BICDL1: variants seen among roughly 807,000 people sequenced by gnomAD.
BICDL1 encodes the protein BICD family like cargo adaptor 1.
BICDL1 carries 20 observed loss-of-function variants against 76.8 expected under a neutral mutation model. The ratio of observed to expected loss-of-function variants is 0.26; its 90% CI spans 0.18 to 0.38. BICDL1 has a LOEUF of 0.38. Among genes scored for constraint, BICDL1 ranks in the 10% least tolerant of loss-of-function variants. The pLI, the probability that BICDL1 is intolerant of heterozygous loss-of-function variation, is 1.00. For missense variants in BICDL1, 700 were observed against 798.6 expected, an observed-to-expected ratio of 0.88 and a Z score of 1.49; for synonymous variants, 383 against 337.1, an observed-to-expected ratio of 1.14 and a Z score of -1.49.
intron 3 of BICDL1, among the ~76,000 whole-genome samples, chr12:120,063,563 TC>T (rs1352864442): frequency 1.3e-5 from 2 of 152,068 alleles, no homozygotes; most frequent in Admixed American, 1.3e-4. Flanking sequence ...TTTCAGGATT[TC>T]CCCTGGAAAA....
At chr12:120,045,917 T>TAATAATAATAATAATA (rs1555288138) in intron 2 of BICDL1, among the ~76,000 whole-genome samples, 157 of 137,692 alleles carry the variant, frequency 1.1e-3, no homozygotes, top group African/African-American at 4.2e-3. Context: ...CTTAAAGTAT[T>TAATAATAATAATAATA]ATAATAATAA....
chr12:120,086,985 G>A (rs1211053063), intron 8 of BICDL1, among the ~76,000 whole-genome samples: 1 of 152,206 alleles, frequency 6.6e-6, no homozygotes, highest in Non-Finnish European at 1.5e-5. Flanking sequence ...GCTGCGCCGC[G>A]GCTGTAGCCC....
chr12:120,030,744 A>G (rs1426975962), intron 2 of BICDL1, among the ~76,000 whole-genome samples: 2 of 152,322 alleles, frequency 1.3e-5, no homozygotes, highest in African/African-American at 4.8e-5. Flanking sequence ...ATAGAAATAT[A>G]TACATCTCAT....
Position 120,071,820 on chromosome 12 carries a change from C to T in BICDL1, c.1089+19C>T, listed in dbSNP as rs1325883794. On this transcript the variant is annotated intron_variant, in intron 5 of 9. Coordinates refer to ENST00000548673, the MANE Select transcript of BICDL1 (RefSeq NM_001367886.1). This position sits in a 1 kb window ranked among gnomAD's most constrained non-coding sequence, Gnocchi z 4.8. ...AGAGCAGGTGCTGACCTGCCTGTCA[C>T]CCCACAGGCGAGGCTACCTGGGGTT... The T allele has an allele frequency of 1.9e-6, 3 of 1,579,724 alleles. No homozygotes were observed. Among genetic ancestry groups the T allele is most frequent in the Non-Finnish European group, 2.6e-6 (3 of 1,164,022 alleles).
intron 2 of BICDL1, among the ~76,000 whole-genome samples, chr12:120,049,437 C>T (rs781680162): frequency 1.2e-4 from 19 of 152,204 alleles, no homozygotes; most frequent in Non-Finnish European, 2.2e-4. Flanking sequence ...TTAAAGAGAT[C>T]TGCTAACATG....
At chr12:120,078,195 G>A (rs1873711311) in intron 7 of BICDL1, among the ~76,000 whole-genome samples, 1 of 151,990 alleles carries the variant, frequency 6.6e-6, no homozygotes, top group Non-Finnish European at 1.5e-5. Flanking sequence ...GAGCACCCCT[G>A]TCTCTGTCTT....
intron 2 of BICDL1, chr12:120,000,134 A>T (rs1951731239): frequency 6.4e-6 from 1 of 156,118 alleles, no homozygotes. Context: ...GAAGAAGGAA[A>T]GGTAGAGGAG....
intron 7 of BICDL1, among the ~76,000 whole-genome samples, chr12:120,080,368 A>T (rs1202462360): frequency 1.3e-5 from 2 of 152,122 alleles, no homozygotes; most frequent in Non-Finnish European, 2.9e-5. Context: ...TGTGGCTTTC[A>T]CCTGGGGAGC....
intron 2 of BICDL1, among the ~76,000 whole-genome samples, chr12:120,054,207 G>A (rs1449679519): frequency 6.6e-6 from 1 of 151,760 alleles, no homozygotes; most frequent in Admixed American, 6.6e-5. Context: ...CGAGTAGCTG[G>A]GACCACAGGT....
At chr12:120,019,208 C>G (rs1016112939) in intron 2 of BICDL1, 1 of 151,996 alleles carries the variant, frequency 6.6e-6, no homozygotes, top group Non-Finnish European at 1.5e-5. Context: ...TGTGATTGTG[C>G]CTATGAAAAG....
chr12:120,020,479 T>A (rs1007096778), intron 2 of BICDL1, among the ~76,000 whole-genome samples: 1 of 152,156 alleles, frequency 6.6e-6, no homozygotes, highest in Non-Finnish European at 1.5e-5. Flanking sequence ...CTCCTTACTC[T>A]AAATATTGAT....
intron 8 of BICDL1, among the ~76,000 whole-genome samples, chr12:120,085,992 T>G (rs1874382204): frequency 8.0e-6 from 1 of 124,970 alleles, no homozygotes; most frequent in African/African-American, 3.7e-5. Flanking sequence ...CCAGTCTTTC[T>G]CCCTTTAAAA....
At chr12:120,031,731 A>T (rs1050343559) in intron 2 of BICDL1, among the ~76,000 whole-genome samples, 6 of 152,198 alleles carry the variant, frequency 3.9e-5, no homozygotes, top group Non-Finnish European at 4.4e-5. Flanking sequence ...CTGCACATTC[A>T]TGAAAGTGGT....
Position 120,091,831 on chromosome 12 carries a change from C to T in BICDL1, c.1705-1169C>T, listed in dbSNP as rs1037034249. ...TGGACAAGCTGCTCAGATGGAGGGG[C>T]CCAGCCAGCCCAACTTCATGCCCTC... On this transcript the variant is annotated intron_variant, in intron 9 of 9. Transcript: ENST00000548673. 2.3e-5 allele frequency: 23 copies of T among 985,190 alleles called. 1 individual carries two copies. The African/African-American group carries it at 3.7e-4, about 16-fold the overall frequency. The allele number at this position is 985,190 out of a possible 1,614,324, so 61.0% of individuals were successfully genotyped here.
chr12:120,057,845 T>C (rs1166646464), intron 2 of BICDL1, among the ~76,000 whole-genome samples: 3 of 128,342 alleles, frequency 2.3e-5, no homozygotes, highest in Non-Finnish European at 4.8e-5. Flanking sequence ...TTTTTTTTTT[T>C]TTTGAGACGG....
chr12:120,046,478 A>G (rs1229278513), intron 2 of BICDL1, among the ~76,000 whole-genome samples: 2 of 152,214 alleles, frequency 1.3e-5, no homozygotes, highest in African/African-American at 4.8e-5. Flanking sequence ...CACTTTACAT[A>G]TATTTATTTC....
intron 2 of BICDL1, among the ~76,000 whole-genome samples, chr12:120,021,952 A>G (rs1047278967): frequency 6.7e-6 from 1 of 149,042 alleles, no homozygotes; most frequent in Non-Finnish European, 1.5e-5. Context: ...AAATAATAAA[A>G]ATAAAATAAA....
chr12:120,085,579 A>G (rs1485509299), intron 8 of BICDL1, among the ~76,000 whole-genome samples: 1 of 152,158 alleles, frequency 6.6e-6, no homozygotes, highest in Non-Finnish European at 1.5e-5. Flanking sequence ...GGAGGCCAAA[A>G]TGGGAGGATT....
At chr12:120,092,908 T>C in intron 9 of BICDL1, 92 bp from the exon 10 acceptor site, 1 of 1,479,212 alleles carries the variant, frequency 6.8e-7, no homozygotes, top group Non-Finnish European at 9.0e-7. Context: ...TTCTCATCTC[T>C]CATCTGTCTG....
Sources: allele counts gnomAD v4.1 joint callset (sites outside exome capture counted in the v4.1 genomes callset), GRCh38; gene constraint gnomAD v4.1.1; non-coding constraint Gnocchi (gnomAD v3.1); transcripts MANE v1.5; gene names NCBI Gene and HGNC (gene_info 2026-07-23, HGNC 2026-07-21).